Variants in CARM1 observed in about 807,000 individuals in gnomAD.
CARM1 encodes histone-arginine methyltransferase CARM1.
A neutral mutation model predicts 72.7 loss-of-function variants in CARM1; 14 were observed. The observed-to-expected ratio is 0.19, with a 90% CI of 0.13 to 0.30. The LOEUF is 0.30. Ranked by LOEUF, CARM1 falls within the 10% of genes least tolerant of loss-of-function variation. The pLI is 1.00. For synonymous variants in CARM1, 333 were observed against 345.5 expected (o/e 0.96, Z 0.40); for missense variants, 432 against 833.7 (o/e 0.52, Z 5.93).
intron 1 of CARM1, 117 bp from the exon 2 acceptor site, chr19:10,904,834 C>T: frequency 7.1e-7 from 1 of 1,416,662 alleles, no homozygotes. Context: ...TTTTGTGGCA[C>T]TCTGGAAGAA....
chr19:10,905,687 A>G (rs868193111), intron 2 of CARM1, among the ~76,000 whole-genome samples: 2 of 152,152 alleles, frequency 1.3e-5, no homozygotes, highest in Non-Finnish European at 1.5e-5. Context: ...CTGGAGGTGG[A>G]GAGGCTGCGT....
intron 4 of CARM1, among the ~76,000 whole-genome samples, chr19:10,910,624 G>C (rs2074141788): frequency 6.7e-6 from 1 of 148,758 alleles, no homozygotes; most frequent in African/African-American, 2.5e-5. Context: ...GGAGTGCAGT[G>C]ACACAATCTC....
In CARM1 at chr19:10,871,631, G is replaced by A. The variant is rs1212473757; in HGVS notation, c.-72G>A. The A allele has an allele frequency of 2.5e-4, 34 of 137,018 alleles. 1 individual carries two copies. The highest frequency in any genetic ancestry group is 4.8e-4 in the South Asian group (2 of 4,200). 8.5% of individuals were successfully genotyped at this position (137,018 alleles called of 1,614,324 possible). A position where few individuals can be genotyped will look rare whatever the true frequency, so the allele number is the denominator to read the frequency against. ...CGGCGGCGGCGGCGGCGGCGGCGGC[G>A]GCGGCGGCAGCGGCGGCGGCCTGGG... On this transcript the variant is annotated 5_prime_UTR_variant, in exon 1 of 16. Coordinates refer to ENST00000327064, the MANE Select transcript of CARM1 (RefSeq NM_199141.2). This position sits in a 1 kb window ranked among gnomAD's most constrained non-coding sequence, Gnocchi z 5.6.
chr19:10,893,565 C>G lies in CARM1; in HGVS notation c.221-11386C>G, dbSNP rs993698644. 4.6e-5 allele frequency among the ~76,000 whole-genome samples: 7 copies of G among 151,798 alleles called. No homozygotes were observed. In the East Asian group the frequency reaches 1.4e-3, roughly 30 times the overall value. On this transcript the variant is annotated intron_variant, in intron 1 of 15. Transcript: ENST00000327064. ...GTGTTAGCCAGGATGGTCTCGATCT[C>G]CTGACCTTGTGACCCGCCTGCCTTG... is the stretch of plus-strand genomic sequence containing the variant.
chr19:10,899,755 C>G (rs1443968617), intron 1 of CARM1, among the ~76,000 whole-genome samples: 1 of 149,730 alleles, frequency 6.7e-6, no homozygotes, highest in Non-Finnish European at 1.5e-5. Context: ...GAGTCTCACT[C>G]TGTCGTCCAG....
At chr19:10,882,812 G>A (rs1050650440) in intron 1 of CARM1, among the ~76,000 whole-genome samples, 1 of 152,078 alleles carries the variant, frequency 6.6e-6, no homozygotes, top group Non-Finnish European at 1.5e-5. Context: ...CAAAGTGCTG[G>A]GATTGCAGAC....
Position 10,916,747 on chromosome 19 carries a change from G to C in CARM1, c.990G>C (p.Ala330=). ...GVDLSALRGA[A]VDEYFRQPVV... is the part of the protein sequence containing the mutation. ...ACCTGTCGGCCCTCCGAGGTGCCGC[G>C]GTGGATGAGTATTTCCGGCAGCCTG... The change falls in exon 8 of 16, where the codon GCG becomes GCC. Residue 330 remains alanine (A), a synonymous_variant. Coordinates refer to ENST00000327064, the MANE Select transcript of CARM1 (RefSeq NM_199141.2). This position sits in a 1 kb window ranked among gnomAD's most constrained non-coding sequence, Gnocchi z 4.4. 1 of 1,552,180 alleles carries C rather than the reference G, an allele frequency of 6.4e-7. No homozygotes were observed. The highest frequency in any genetic ancestry group is 8.7e-7 in the Non-Finnish European group (1 of 1,147,642).
rs149329715 is a variant in CARM1 at position 10,879,760 on chromosome 19, C to A, written c.220+7838C>A. 2.6e-5 allele frequency among the ~76,000 whole-genome samples: 4 copies of A among 152,142 alleles called. No individual in the cohort carries two copies. The South Asian group carries it at 8.3e-4, about 32-fold the overall frequency. ...TCCCAAGTAGCTAGGATTATAAGTGCGTGCAACCACACCCAGATAATTTTT... is the reference window on the plus strand; with the variant it reads ...TCCCAAGTAGCTAGGATTATAAGTGAGTGCAACCACACCCAGATAATTTTT... On this transcript the variant is annotated intron_variant, in intron 1 of 15. Transcript: ENST00000327064.
chr19:10,901,699 T>A (rs1022601157), intron 1 of CARM1, among the ~76,000 whole-genome samples: 2 of 152,158 alleles, frequency 1.3e-5, no homozygotes, highest in African/African-American at 4.8e-5. Flanking sequence ...CCCAGCACTT[T>A]GAGATGCCGA....
At chr19:10,883,863 C>A (rs1363573524) in intron 1 of CARM1, among the ~76,000 whole-genome samples, 1 of 150,434 alleles carries the variant, frequency 6.6e-6, no homozygotes, top group Non-Finnish European at 1.5e-5. Flanking sequence ...ACTAAAAATA[C>A]AAAAATTAGC....
chr19:10,921,990 T>C lies in CARM1; in HGVS notation c.*233T>C. ...CCATATTTTACACAAAATCATGTTG[T>C]GGGAGCCCTCGTCCCCCCTCCTGCC... On this transcript the variant is annotated 3_prime_UTR_variant, in exon 16 of 16. Coordinates refer to ENST00000327064, the MANE Select transcript of CARM1 (RefSeq NM_199141.2). 2.2e-6 allele frequency: 1 copy of C among 461,334 alleles called. No homozygotes were observed. The highest frequency in any genetic ancestry group is 3.9e-6 in the Non-Finnish European group (1 of 258,868). 28.6% of individuals were successfully genotyped at this position (461,334 alleles called of 1,614,324 possible).
intron 1 of CARM1, among the ~76,000 whole-genome samples, chr19:10,903,237 A>G (rs2145219181): frequency 6.6e-6 from 1 of 152,214 alleles, no homozygotes; most frequent in East Asian, 1.9e-4. Flanking sequence ...TTCTTTTGCC[A>G]GTACCACTAC....
intron 4 of CARM1, among the ~76,000 whole-genome samples, chr19:10,909,544 G>T (rs1432899642): frequency 6.6e-6 from 1 of 151,944 alleles, no homozygotes; most frequent in East Asian, 1.9e-4. Flanking sequence ...GACCATCCTG[G>T]CTAACACGAT....
chr19:10,899,039 T>TG lies in CARM1; in HGVS notation c.221-5912_221-5911insG, dbSNP rs1013679411. ...GAGGAACACGGCTTAGCTTGTTTTT[T>TG]TTTTTTTTTTTTTTGGTTTGTCAGT... On this transcript the variant is annotated intron_variant, in intron 1 of 15. Coordinates refer to ENST00000327064, the MANE Select transcript of CARM1 (RefSeq NM_199141.2). Among the ~76,000 whole-genome samples, 7 of 150,864 alleles carry TG rather than the reference T, an allele frequency of 4.6e-5. No individual in the cohort carries two copies. The South Asian group carries it at 1.3e-3, about 27-fold the overall frequency.
intron 6 of CARM1, among the ~76,000 whole-genome samples, chr19:10,914,397 C>T (rs1285832841): frequency 6.6e-6 from 1 of 152,226 alleles, no homozygotes; most frequent in Non-Finnish European, 1.5e-5. Flanking sequence ...CCAACAAGCC[C>T]TGCTCTCCTC....
At position 10,919,616 on chromosome 19, in the gene CARM1, C is replaced by T; in HGVS notation, c.1042C>T (p.Leu348=). ...CCAGGACACATTTGACATCCGGATC[C>T]TGATGGCCAAGTCTGTCAAGTACAC... The part of the protein sequence containing the change: ...PVVDTFDIRI[L]MAKSVKYTVN... The change falls in exon 9 of 16, where the codon CTG becomes TTG. Residue 348 remains leucine (L), a synonymous_variant. Coordinates refer to ENST00000327064, the MANE Select transcript of CARM1 (RefSeq NM_199141.2). 1.2e-6 allele frequency: 2 copies of T among 1,614,086 alleles called. No individual in the cohort carries two copies. The highest frequency in any genetic ancestry group is 1.3e-5 in the African/African-American group (1 of 75,050).
intron 1 of CARM1, among the ~76,000 whole-genome samples, chr19:10,899,007 A>G (rs556209753): frequency 1.3e-5 from 2 of 151,016 alleles, no homozygotes; most frequent in South Asian, 2.1e-4. Flanking sequence ...AGTCTCCTGA[A>G]CAAAGAGAGG....
chr19:10,905,185 G>T (rs1045742311), intron 2 of CARM1, 109 bp downstream of exon 2: 95 of 1,342,776 alleles, frequency 7.1e-5, no homozygotes, highest in Middle Eastern at 2.7e-4. Context: ...CCTTAAGAAG[G>T]CTCCACTGCC....
chr19:10,887,112 C>T (rs2073947880), intron 1 of CARM1, among the ~76,000 whole-genome samples: 4 of 152,202 alleles, frequency 2.6e-5, no homozygotes, highest in Admixed American at 2.0e-4. Flanking sequence ...GGATGTGAAC[C>T]CAGGTTTGGC....
Sources: gnomAD v4.1 joint callset for allele counts (sites outside exome capture counted in the v4.1 genomes callset) on GRCh38, gnomAD v4.1.1 for gene constraint, Gnocchi (gnomAD v3.1) non-coding constraint, MANE v1.5 for transcripts, NCBI Gene and HGNC (gene_info 2026-07-23, HGNC 2026-07-21) for gene names.